MECOM: variants seen among roughly 807,000 people sequenced by gnomAD.
MECOM encodes the protein MDS1 and EVI1 complex locus, also known as histone-lysine N-methyltransferase MECOM.
MECOM carries 13 observed loss-of-function variants against 116.3 expected under a neutral mutation model. That is an observed-to-expected ratio of 0.11 (90% CI 0.07 to 0.18). The LOEUF is 0.18. MECOM is among the 10% of genes least tolerant of loss of function. The pLI is 1.00. For missense variants in MECOM, 1,299 were observed against 1,509.0 expected (o/e 0.86, Z 2.31); for synonymous variants, 528 against 535.2 (o/e 0.99, Z 0.19).
intron 2 of MECOM, among the ~76,000 whole-genome samples, chr3:169,194,643 GT>G (rs1748171020): frequency 6.6e-6 from 1 of 151,954 alleles, no homozygotes; most frequent in East Asian, 1.9e-4. Flanking sequence ...ATTTGTTTGT[GT>G]ATTTTCCATG....
In MECOM at chr3:169,525,607, G is replaced by GT. The variant is rs570510639; in HGVS notation, c.37+137728dup. 3.9e-5 allele frequency among the ~76,000 whole-genome samples: 6 copies of GT among 152,186 alleles called. No homozygotes were observed. The South Asian group carries it at 1.2e-3, about 32-fold the overall frequency. ...TTTTTTGTCTCCAAAAAGAGAGCAC[G>GT]TATCAGGTAGTGAAGTAATTCCAGG... is the stretch of plus-strand genomic sequence containing the variant. On this transcript the variant is annotated intron_variant, in intron 1 of 16. Transcript: ENST00000651503.
intron 2 of MECOM, among the ~76,000 whole-genome samples, chr3:169,212,130 G>A (rs1750799346): frequency 6.6e-6 from 1 of 152,054 alleles, no homozygotes; most frequent in African/African-American, 2.4e-5. Context: ...GATCTGAATG[G>A]TAAGATTGAT....
intron 1 of MECOM, among the ~76,000 whole-genome samples, chr3:169,518,449 T>A (rs574872177): frequency 1.3e-5 from 2 of 152,248 alleles, no homozygotes; most frequent in South Asian, 4.2e-4. Context: ...GAATCTAACC[T>A]CCAATTCTGG....
intron 7 of MECOM, among the ~76,000 whole-genome samples, chr3:169,120,318 A>G (rs1296719238): frequency 6.6e-6 from 1 of 152,220 alleles, no homozygotes; most frequent in Non-Finnish European, 1.5e-5. Flanking sequence ...AAGAAAAAGC[A>G]AATGAGAGCT....
At chr3:169,540,994 T>G (rs1005875959) in intron 1 of MECOM, among the ~76,000 whole-genome samples, 2 of 152,220 alleles carry the variant, frequency 1.3e-5, no homozygotes, top group African/African-American at 4.8e-5. Context: ...GGGTACCATC[T>G]TCTTCCAGTG....
chr3:169,291,908 G>A (rs967131668), intron 2 of MECOM, among the ~76,000 whole-genome samples: 2 of 152,182 alleles, frequency 1.3e-5, no homozygotes, highest in Non-Finnish European at 1.5e-5. Context: ...ACAGGGAGCT[G>A]CATACTTCAA....
At chr3:169,183,869 T>A (rs1327178763) in intron 2 of MECOM, among the ~76,000 whole-genome samples, 2 of 123,198 alleles carry the variant, frequency 1.6e-5, no homozygotes, top group Admixed American at 1.6e-4. Context: ...TTCTTTTTTC[T>A]CTTTTTTTTT....
At chr3:169,628,278 T>A (rs555989326) in intron 1 of MECOM, among the ~76,000 whole-genome samples, 3 of 152,354 alleles carry the variant, frequency 2.0e-5, no homozygotes, top group South Asian at 2.1e-4. Context: ...TGCCTATTTT[T>A]AAAAATATTT....
At chr3:169,231,803 T>C (rs937348580) in intron 2 of MECOM, among the ~76,000 whole-genome samples, 2 of 152,152 alleles carry the variant, frequency 1.3e-5, no homozygotes, top group Admixed American at 6.6e-5. Context: ...TATTATTTCT[T>C]AAAGCAAGTT....
In MECOM at chr3:169,608,537, A is replaced by C. The variant is rs1210238152; in HGVS notation, c.37+54799T>G. Among the ~76,000 whole-genome samples the C allele has an allele frequency of 1.3e-5, 2 of 152,118 alleles. 1 individual carries two copies. The highest frequency in any genetic ancestry group is 4.8e-5 in the African/African-American group (2 of 41,430). On this transcript the variant is annotated intron_variant, in intron 1 of 16. Coordinates refer to ENST00000651503, the MANE Select transcript of MECOM (RefSeq NM_004991.4). ...AAAGCGAGTCTTGGTGGCAGGATTC[A>C]CACATACCATCCTCCCTCCATTTGT... is the stretch of plus-strand genomic sequence containing the variant.
chr3:169,593,913 G>T (rs906280704), intron 1 of MECOM, among the ~76,000 whole-genome samples: 1 of 152,134 alleles, frequency 6.6e-6, no homozygotes, highest in African/African-American at 2.4e-5. Context: ...GAGGTCAGGA[G>T]TTTGAGATCA....
chr3:169,657,394 T>C (rs1775664986), intron 1 of MECOM, among the ~76,000 whole-genome samples: 1 of 152,220 alleles, frequency 6.6e-6, no homozygotes, highest in Non-Finnish European at 1.5e-5. Flanking sequence ...GATCTGTTTG[T>C]TTATTTTTTT....
At chr3:169,127,763 C>T (rs373386827) in intron 5 of MECOM, 81 bp downstream of exon 5, 2 of 1,264,794 alleles carry the variant, frequency 1.6e-6, no homozygotes, top group Admixed American at 1.7e-5. Context: ...CCAAATTTTC[C>T]ATCTGCACAA....
chr3:169,278,007 A>G (rs1759826186), intron 2 of MECOM, among the ~76,000 whole-genome samples: 2 of 152,240 alleles, frequency 1.3e-5, no homozygotes, highest in Non-Finnish European at 2.9e-5. Flanking sequence ...TAGAGAAATA[A>G]AACAGTTGCT....
chr3:169,088,283 C>T lies in MECOM; in HGVS notation c.3585+717G>A, dbSNP rs186018728. Among the ~76,000 whole-genome samples, 48 of 152,194 alleles carry T rather than the reference C, an allele frequency of 3.2e-4. 1 individual carries two copies. Among genetic ancestry groups the T allele is most frequent in the Admixed American group, 1.6e-3 (25 of 15,288 alleles). The stretch of plus-strand genomic sequence containing the variant: ...GTGTGGATGTCAAACAAAAAAGTAC[C>T]GACTTCCTTTATTTTGTAACAAAAA... On this transcript the variant is annotated intron_variant, in intron 16 of 16. Transcript: ENST00000651503.
intron 1 of MECOM, among the ~76,000 whole-genome samples, chr3:169,547,664 T>G (rs184900247): frequency 3.9e-5 from 6 of 152,308 alleles, no homozygotes; most frequent in South Asian, 4.1e-4. Context: ...TATACCATAT[T>G]TGGAAATATA....
intron 1 of MECOM, among the ~76,000 whole-genome samples, chr3:169,494,328 A>G (rs1303833340): frequency 6.6e-6 from 1 of 152,094 alleles, no homozygotes; most frequent in East Asian, 1.9e-4. Flanking sequence ...CACACTGCCC[A>G]GTTCTTCCTC....
At chr3:169,171,401 G>A (rs1744380654) in intron 2 of MECOM, among the ~76,000 whole-genome samples, 2 of 152,172 alleles carry the variant, frequency 1.3e-5, no homozygotes, top group South Asian at 4.1e-4. Context: ...TTGGCGTTAT[G>A]TCTCTCTTCA....
chr3:169,264,038 C>T (rs1452169610), intron 2 of MECOM, among the ~76,000 whole-genome samples: 1 of 152,032 alleles, frequency 6.6e-6, no homozygotes, highest in Non-Finnish European at 1.5e-5. Context: ...TGATCACTTC[C>T]ATACAGAGTA....
Sources: gnomAD v4.1 joint callset for allele counts (sites outside exome capture counted in the v4.1 genomes callset) on GRCh38, gnomAD v4.1.1 for gene constraint, MANE v1.5 for transcripts, NCBI Gene and HGNC (gene_info 2026-07-23, HGNC 2026-07-21) for gene names.